The following ARHGEF11 variants were observed in gnomAD, a reference collection of about 807,000 sequenced individuals.
ARHGEF11 encodes the protein Rho guanine exchange factor (GEF) 11.
In ARHGEF11, 55 loss-of-function variants were observed where a neutral mutation model predicts 193.7. The ratio of observed to expected loss-of-function variants is 0.28; its 90% confidence interval spans 0.23 to 0.36. The LOEUF (loss-of-function observed/expected upper bound fraction) is 0.36, where lower values mean the gene tolerates loss of function less well. ARHGEF11 is among the 10% of genes least tolerant of loss of function. The probability of loss-of-function intolerance (pLI) is 1.00; values close to 1 mark genes in which losing one functional copy is unlikely to be tolerated. For missense variants in ARHGEF11, 1,723 were observed against 2,005.6 expected (o/e 0.86, Z 2.69); for synonymous variants, 693 against 768.0 (o/e 0.90, Z 1.62).
At chr1:156,953,521 TA>T (rs1659430360) in intron 21 of ARHGEF11, among the ~76,000 whole-genome samples, 1 of 152,236 alleles carries the variant, frequency 6.6e-6, no homozygotes, top group African/African-American at 2.4e-5. Flanking sequence ...TAAACTTTTT[TA>T]CATTAATTCC....
At chr1:157,026,661 G>A (rs1222797987) in intron 1 of ARHGEF11, among the ~76,000 whole-genome samples, 1 of 152,172 alleles carries the variant, frequency 6.6e-6, no homozygotes, top group East Asian at 1.9e-4. Flanking sequence ...CAGAGCATAG[G>A]TTCAATGCTA....
At chr1:156,959,942 C>G (rs12144989) in intron 15 of ARHGEF11, among the ~76,000 whole-genome samples, 1 of 75,948 alleles carries the variant, frequency 1.3e-5, no homozygotes, top group Non-Finnish European at 2.5e-5. Flanking sequence ...TCCCCCCCCC[C>G]CAAAAAAAAC....
intron 20 of ARHGEF11, 96 bp downstream of exon 20, chr1:156,955,607 A>C: frequency 1.0e-6 from 1 of 972,688 alleles, no homozygotes; most frequent in Middle Eastern, 2.3e-4. Flanking sequence ...TGGCTCCCAG[A>C]AACACAGGAA....
At position 156,947,844 on chromosome 1, in the gene ARHGEF11, A is replaced by G; in HGVS notation, c.2266T>C (p.Trp756Arg). Residue 756 changes from tryptophan (W) to arginine (R), a missense_variant, in exon 25 of 41, where the codon TGG (tryptophan) becomes CGG (arginine). Physicochemically the swap from Trp to Arg is moderately radical, Grantham distance 101. This residue lies in a region of ARHGEF11 where 491 missense variants were observed against 654.5 expected (regional missense o/e 0.75). Transcript: ENST00000368194. ...ACATCCTTGCCCACTGTATGCTGCC[A>G]ATTTTGGGCATCTGGCTCTGGCTCC... ...DLEPEPDAQN[W>R]QHTVGKDVVA... is the part of the protein sequence containing the mutation. The G allele has an allele frequency of 6.2e-7, 1 of 1,614,038 alleles. No homozygotes were observed. Among genetic ancestry groups the G allele is most frequent in the Non-Finnish European group, 8.5e-7 (1 of 1,180,000 alleles).
chr1:157,001,418 T>G (rs1436293341), intron 1 of ARHGEF11, among the ~76,000 whole-genome samples: 2 of 152,218 alleles, frequency 1.3e-5, no homozygotes, highest in African/African-American at 4.8e-5. Flanking sequence ...CGCCACAGTT[T>G]CATCACCCAG....
intron 3 of ARHGEF11, among the ~76,000 whole-genome samples, chr1:156,980,833 C>CA (rs1664036357): frequency 3.0e-5 from 1 of 33,670 alleles, no homozygotes; most frequent in Non-Finnish European, 6.0e-5. Flanking sequence ...AGTTATATTC[C>CA]GGGGGGGGGG....
intron 19 of ARHGEF11, among the ~76,000 whole-genome samples, chr1:156,956,206 T>A (rs1659922697): frequency 6.6e-6 from 1 of 152,036 alleles, no homozygotes; most frequent in African/African-American, 2.4e-5. Context: ...AACCTCCAAT[T>A]CCCGGGTTCA....
At chr1:156,999,103 C>G (rs1431986035) in intron 1 of ARHGEF11, among the ~76,000 whole-genome samples, 1 of 152,182 alleles carries the variant, frequency 6.6e-6, no homozygotes, top group African/African-American at 2.4e-5. Context: ...GCCTAGACAT[C>G]TGGGTTCTAG....
At chr1:156,999,634 T>C (rs761409982) in intron 1 of ARHGEF11, among the ~76,000 whole-genome samples, 40 of 152,288 alleles carry the variant, frequency 2.6e-4, no homozygotes, top group African/African-American at 7.9e-4. Context: ...TGTGTCTGCA[T>C]TGGTGATATC....
intron 38 of ARHGEF11, 116 bp from the exon 39 acceptor site, chr1:156,937,612 G>T: frequency 8.8e-7 from 1 of 1,137,004 alleles, no homozygotes; most frequent in Non-Finnish European, 1.2e-6. Context: ...GTCCTCTCCA[G>T]ACAAACTCAG....
In ARHGEF11 at chr1:156,948,368, T is replaced by G. The variant is rs556758571; in HGVS notation, c.2056A>C (p.Thr686Pro). Residue 686 changes from threonine (T) to proline (P), a missense_variant, in exon 23 of 41, where the codon ACT becomes CCT. Physicochemically the swap from Thr to Pro is conservative, Grantham distance 38 (BLOSUM62 -1). Coordinates refer to ENST00000368194, the MANE Select transcript of ARHGEF11 (RefSeq NM_198236.3). This position sits in a 1 kb window ranked among gnomAD's most constrained non-coding sequence, Gnocchi z 4.2. ...DVDMDAAAEA[T>P]RLHQSASSST... ...GACGAGGCTGACTGGTGCAGGCGAG[T>G]AGCCTCCGCAGCAGCATCCATGTCA... 1.2e-6 allele frequency: 2 copies of G among 1,614,068 alleles called. No homozygotes were observed. Among genetic ancestry groups the G allele is most frequent in the Middle Eastern group, 1.6e-4 (1 of 6,062 alleles).
At chr1:156,954,862 A>T (rs1659715230) in intron 21 of ARHGEF11, 30 bp downstream of exon 21, 3 of 1,592,714 alleles carry the variant, frequency 1.9e-6, no homozygotes, top group Admixed American at 3.4e-5. Flanking sequence ...GCTAATGCAA[A>T]GACAAACCCA....
intron 1 of ARHGEF11, among the ~76,000 whole-genome samples, chr1:157,009,280 G>A (rs143764242): frequency 2.6e-5 from 4 of 152,184 alleles, no homozygotes; most frequent in Non-Finnish European, 5.9e-5. Context: ...AGAGATCTTT[G>A]TATTTATGAC....
chr1:156,938,214 G>A (rs1451993965), intron 38 of ARHGEF11, among the ~76,000 whole-genome samples: 1 of 152,200 alleles, frequency 6.6e-6, no homozygotes, highest in African/African-American at 2.4e-5. Context: ...AGCCTGGACA[G>A]GTGGCTTCTT....
At position 156,985,071 on chromosome 1, in the gene ARHGEF11, C is replaced by T. The variant is rs556928472; in HGVS notation, c.125-634G>A. Among the ~76,000 whole-genome samples, 3 of 152,138 alleles carry T rather than the reference C, an allele frequency of 2.0e-5. No homozygotes were observed. The South Asian group carries it at 6.2e-4, about 32-fold the overall frequency. On this transcript the variant is annotated intron_variant, in intron 2 of 40. Transcript: ENST00000368194. ...AAACAAAAAGAAACAGAGGTTATCA[C>T]TACCAAATGTCTCCATTCCTGTGAG...
intron 1 of ARHGEF11, among the ~76,000 whole-genome samples, chr1:157,025,664 G>T (rs1375601858): frequency 6.6e-6 from 1 of 152,176 alleles, no homozygotes; most frequent in Non-Finnish European, 1.5e-5. Flanking sequence ...AGATGAGCGG[G>T]CTCCCCTGTT....
At position 156,947,440 on chromosome 1, in the gene ARHGEF11, C is replaced by T; in HGVS notation, c.2352G>A (p.Val784=). 6.2e-7 allele frequency: 1 copy of T among 1,605,584 alleles called. No homozygotes were observed. Among genetic ancestry groups the T allele is most frequent in the Non-Finnish European group, 8.5e-7 (1 of 1,176,964 alleles). The part of the protein sequence containing the change: ...DRQEVINELF[V]TEASHLRTLR... ...GTGTGCGCAGGTGGGAAGCTTCAGT[C>T]ACAAACAGCTCTGAGCGGTGGTTGT... is the stretch of plus-strand genomic sequence containing the variant. The change falls in exon 26 of 41, where the codon GTG becomes GTA. Residue 784 remains valine (V), a synonymous_variant. Coordinates refer to ENST00000368194, the MANE Select transcript of ARHGEF11 (RefSeq NM_198236.3).
At chr1:156,953,067 C>T (rs759442470) in intron 21 of ARHGEF11, among the ~76,000 whole-genome samples, 2 of 152,258 alleles carry the variant, frequency 1.3e-5, no homozygotes, top group Non-Finnish European at 2.9e-5. Flanking sequence ...TGGCAAAATA[C>T]AGGCGTAGCC....
intron 3 of ARHGEF11, among the ~76,000 whole-genome samples, chr1:156,983,528 C>T (rs1395829342): frequency 6.6e-6 from 1 of 152,174 alleles, no homozygotes; most frequent in Non-Finnish European, 1.5e-5. Flanking sequence ...GGCCACCCAT[C>T]GCCTTTTTGA....
Sources: allele counts gnomAD v4.1 joint callset (sites outside exome capture counted in the v4.1 genomes callset), GRCh38; gene constraint gnomAD v4.1.1; regional missense constraint gnomAD v4.1.1; non-coding constraint Gnocchi (gnomAD v3.1); transcripts MANE v1.5; gene names NCBI Gene and HGNC (gene_info 2026-07-23, HGNC 2026-07-21).